Variants in LPCAT2 observed in about 807,000 individuals in gnomAD.
The protein encoded by LPCAT2 is lysophosphatidylcholine acyltransferase 2.
In LPCAT2, 58 loss-of-function variants were observed where a neutral mutation model predicts 64.7. The ratio of observed to expected loss-of-function variants is 0.90; its 90% confidence interval spans 0.73 to 1.12. The LOEUF (loss-of-function observed/expected upper bound fraction) is 1.12. Among genes scored for constraint, LPCAT2 ranks in the 50% most tolerant of loss-of-function variants. LPCAT2 has a pLI of 0.00. For missense variants in LPCAT2, 579 were observed against 669.8 expected (o/e 0.86, Z 1.50); for synonymous variants, 252 against 245.3 (o/e 1.03, Z -0.26).
intron 1 of LPCAT2, among the ~76,000 whole-genome samples, chr16:55,517,818 C>T (rs1402860703): frequency 6.6e-6 from 1 of 152,130 alleles, no homozygotes; most frequent in Non-Finnish European, 1.5e-5. Context: ...TTTCCTCAGC[C>T]TTATAAAGGG....
At chr16:55,511,951 C>A (rs1248212219) in intron 1 of LPCAT2, among the ~76,000 whole-genome samples, 3 of 152,116 alleles carry the variant, frequency 2.0e-5, no homozygotes, top group African/African-American at 4.8e-5. Context: ...AGTGACCTAC[C>A]AGAGTGACTT....
At chr16:55,528,678 C>A (rs1963209902) in intron 3 of LPCAT2, 84 bp downstream of exon 3, 1 of 1,045,390 alleles carries the variant, frequency 9.6e-7, no homozygotes, top group Non-Finnish European at 1.4e-6. Context: ...TCATTGATAA[C>A]CTTTTTAAAA....
chr16:55,509,350 C>T lies in LPCAT2; in HGVS notation c.169C>T (p.Gln57Ter). The change falls in exon 1 of 14, where the codon CAG (glutamine) becomes TAG (stop). Residue 57 changes from glutamine (Q) to a stop codon, truncating the protein, a stop_gained and splice_region_variant. Coordinates refer to ENST00000262134, the MANE Select transcript of LPCAT2 (RefSeq NM_017839.5). LOFTEE classifies it high-confidence loss of function. Reference protein sequence around the residue: ...QTQIGSARRVQIVLLGIILLP... With the variant: ...QTQIGSARRV ...GCAGATCGGCTCCGCGAGGCGGGTC[C>T]AGGTGAGGGGCGTGGGTCTGAGGGG... 1.4e-6 allele frequency: 2 copies of T among 1,429,628 alleles called. No individual in the cohort carries two copies. Among genetic ancestry groups the T allele is most frequent in the Non-Finnish European group, 1.8e-6 (2 of 1,081,392 alleles). 88.6% of individuals were successfully genotyped at this position (1,429,628 alleles called of 1,614,324 possible). A position where few individuals can be genotyped will look rare whatever the true frequency, so the allele number is the denominator to read the frequency against.
chr16:55,515,436 G>T (rs1349173463), intron 1 of LPCAT2, among the ~76,000 whole-genome samples: 1 of 152,132 alleles, frequency 6.6e-6, no homozygotes, highest in African/African-American at 2.4e-5. Context: ...GAGAGAATTT[G>T]TCATTAGCAC....
intron 8 of LPCAT2, chr16:55,538,648 T>TA (rs1963353656): frequency 7.2e-6 from 1 of 138,520 alleles, no homozygotes; most frequent in South Asian, 2.2e-4. Context: ...CCCCCACTTT[T>TA]AAAACCAGTT....
intron 13 of LPCAT2, 21 bp from the exon 14 acceptor site, chr16:55,582,893 T>C: frequency 6.5e-7 from 1 of 1,534,874 alleles, no homozygotes; most frequent in East Asian, 2.3e-5. Context: ...ACTTATTGGA[T>C]TTTTTTTCTT....
intron 3 of LPCAT2, 85 bp downstream of exon 3, chr16:55,528,679 CT>C (rs1448628685): frequency 2.1e-5 from 22 of 1,039,986 alleles, no homozygotes; most frequent in Non-Finnish European, 2.8e-5. Flanking sequence ...CATTGATAAC[CT>C]TTTTAAAAAG....
At chr16:55,535,905 C>T (rs927803212) in intron 7 of LPCAT2, among the ~76,000 whole-genome samples, 10 of 151,886 alleles carry the variant, frequency 6.6e-5, no homozygotes, top group African/African-American at 2.2e-4. Context: ...ATATAATAGA[C>T]GGGTTTAGTT....
chr16:55,567,279 CG>C, intron 11 of LPCAT2: 1 of 1,613,578 alleles, frequency 6.2e-7, no homozygotes, highest in South Asian at 1.1e-5. Flanking sequence ...TTCTCAGCTG[CG>C]GGGAGCTCTG....
At chr16:55,537,477 T>G (rs1963338529) in intron 7 of LPCAT2, 101 bp from the exon 8 acceptor site, 1 of 850,344 alleles carries the variant, frequency 1.2e-6, no homozygotes, top group Non-Finnish European at 1.9e-6. Flanking sequence ...ATATGTGAAG[T>G]GTGATGTGAG....
chr16:55,545,903 TG>T, intron 9 of LPCAT2, 86 bp downstream of exon 9: 1 of 1,055,024 alleles, frequency 9.5e-7, no homozygotes, highest in Non-Finnish European at 1.4e-6. Flanking sequence ...GATTTTTTTT[TG>T]ACCCCTGAAG....
At chr16:55,556,176 T>C (rs1378509962) in intron 11 of LPCAT2, among the ~76,000 whole-genome samples, 1 of 152,184 alleles carries the variant, frequency 6.6e-6, no homozygotes, top group Non-Finnish European at 1.5e-5. Context: ...TTTACTTGTA[T>C]GATTACTAAT....
chr16:55,572,452 G>A (rs1427466246), intron 11 of LPCAT2, among the ~76,000 whole-genome samples: 1 of 152,142 alleles, frequency 6.6e-6, no homozygotes, highest in Admixed American at 6.5e-5. Flanking sequence ...CAGAAGAAAT[G>A]TATCTATGTT....
At chr16:55,514,228 G>C (rs1962974855) in intron 1 of LPCAT2, among the ~76,000 whole-genome samples, 1 of 152,022 alleles carries the variant, frequency 6.6e-6, no homozygotes, top group Admixed American at 6.6e-5. Flanking sequence ...ACATGAGTAA[G>C]GCTTTGTTAA....
chr16:55,553,385 T>C (rs1014689617), intron 11 of LPCAT2, among the ~76,000 whole-genome samples: 3 of 152,248 alleles, frequency 2.0e-5, no homozygotes, highest in African/African-American at 7.2e-5. Context: ...TCAATTGTTG[T>C]CATTTTAACA....
intron 11 of LPCAT2, among the ~76,000 whole-genome samples, chr16:55,573,638 A>C (rs1963794669): frequency 2.6e-5 from 4 of 152,098 alleles, no homozygotes; most frequent in Admixed American, 2.6e-4. Context: ...TTGCTGCCAA[A>C]ATAATTCTAA....
At chr16:55,529,580 C>A (rs1219856518) in intron 3 of LPCAT2, among the ~76,000 whole-genome samples, 4 of 152,020 alleles carry the variant, frequency 2.6e-5, no homozygotes, top group African/African-American at 9.7e-5. Context: ...AGGAAGAAGA[C>A]CTTTAGGGAG....
chr16:55,551,521 G>T (rs987318268), intron 11 of LPCAT2, among the ~76,000 whole-genome samples: 2 of 152,044 alleles, frequency 1.3e-5, no homozygotes, highest in African/African-American at 2.4e-5. Context: ...GATGACATGG[G>T]TGTTTAGAAT....
chr16:55,564,492 A>G (rs1963669736), intron 11 of LPCAT2, among the ~76,000 whole-genome samples: 1 of 151,994 alleles, frequency 6.6e-6, no homozygotes, highest in African/African-American at 2.4e-5. Context: ...TGGTTTCAAG[A>G]AAGACATATA....
Sources: allele counts gnomAD v4.1 joint callset (sites outside exome capture counted in the v4.1 genomes callset), GRCh38; gene constraint gnomAD v4.1.1; transcripts MANE v1.5; gene names NCBI Gene and HGNC (gene_info 2026-07-23, HGNC 2026-07-21).